The following ZNF705A variants were observed in gnomAD, a reference collection of about 807,000 sequenced individuals.
ZNF705A encodes the protein zinc finger protein 705A.
In ZNF705A, 8 loss-of-function variants were observed where a neutral mutation model predicts 16.6. That is an observed-to-expected ratio of 0.48 (90% CI 0.28 to 0.87). ZNF705A has a LOEUF of 0.87. Ranked by LOEUF, ZNF705A falls within the 40% of genes least tolerant of loss-of-function variation. ZNF705A has a pLI of 0.10. For missense variants in ZNF705A, 233 were observed against 359.9 expected (o/e 0.65, Z 2.85); for synonymous variants, 73 against 117.3 (o/e 0.62, Z 2.44).
intron 1 of ZNF705A, among the ~76,000 whole-genome samples, chr12:8,163,862 A>T (rs1486394916): frequency 1.3e-5 from 2 of 152,168 alleles, no homozygotes; most frequent in African/African-American, 4.8e-5. Context: ...AAACAAGGGA[A>T]CATCTACCCC....
chr12:8,177,071 A>G (rs767147829), exon 5 of ZNF705A: 2 of 1,611,060 alleles, frequency 1.2e-6, no homozygotes, highest in Non-Finnish European at 1.7e-6. Flanking sequence ...CAGTTCCACA[A>G]TAACTCAGCG....
At chr12:8,175,411 A>G (rs1298203997) in intron 3 of ZNF705A, 88 bp downstream of exon 4, 2 of 1,167,908 alleles carry the variant, frequency 1.7e-6, no homozygotes, top group Non-Finnish European at 1.2e-6. Context: ...GTTTTATTAA[A>G]TGAGTGATAA....
At chr12:8,169,998 C>T (rs1473614463), upstream of ZNF705A, among the ~76,000 whole-genome samples, 1 of 152,030 alleles carries the variant, frequency 6.6e-6, no homozygotes, top group African/African-American at 2.4e-5. Context: ...CAGACCAGCC[C>T]TACCAAAATG....
intron 1 of ZNF705A, among the ~76,000 whole-genome samples, chr12:8,165,352 G>A (rs1458291884): frequency 4.3e-5 from 6 of 137,996 alleles, no homozygotes; most frequent in Admixed American, 8.0e-5. Context: ...GCGTGATCTC[G>A]GCTCACTGCA....
intron 1 of ZNF705A, among the ~76,000 whole-genome samples, chr12:8,157,634 G>A (rs1179638074): frequency 6.6e-6 from 1 of 152,186 alleles, no homozygotes; most frequent in East Asian, 1.9e-4. Flanking sequence ...AATTGAAGGA[G>A]TATAGGGAGA....
At chr12:8,160,035 T>C (rs762047588) in intron 1 of ZNF705A, among the ~76,000 whole-genome samples, 2 of 152,308 alleles carry the variant, frequency 1.3e-5, no homozygotes, top group East Asian at 3.9e-4. Flanking sequence ...TTCATTCTCC[T>C]ACATGTGGCT....
intron 1 of ZNF705A, among the ~76,000 whole-genome samples, chr12:8,161,937 G>A (rs1948359232): frequency 6.6e-6 from 1 of 152,194 alleles, no homozygotes; most frequent in Non-Finnish European, 1.5e-5. Flanking sequence ...TCCATTGTGA[G>A]CACACCTCAC....
intron 1 of ZNF705A, among the ~76,000 whole-genome samples, chr12:8,173,442 G>A (rs1948460849): frequency 6.6e-6 from 1 of 152,068 alleles, no homozygotes; most frequent in Non-Finnish European, 1.5e-5. Flanking sequence ...ACAATGAAGA[G>A]GCTTTTTAAA....
At chr12:8,161,229 A>G (rs1374902152) in intron 1 of ZNF705A, among the ~76,000 whole-genome samples, 1 of 152,098 alleles carries the variant, frequency 6.6e-6, no homozygotes. Flanking sequence ...GGATTTTAGC[A>G]TCTATGTTCT....
intron 1 of ZNF705A, among the ~76,000 whole-genome samples, chr12:8,164,364 A>G (rs1276313978): frequency 6.6e-6 from 1 of 152,232 alleles, no homozygotes; most frequent in Non-Finnish European, 1.5e-5. Flanking sequence ...GGCCTATTTC[A>G]TATAACATAA....
At chr12:8,171,336 C>T (rs191459774), upstream of ZNF705A, among the ~76,000 whole-genome samples, 86 of 152,100 alleles carry the variant, frequency 5.7e-4, no homozygotes, top group African/African-American at 2.0e-3. Context: ...GCATGTTTCC[C>T]CCTGTCTCAA....
upstream of ZNF705A, among the ~76,000 whole-genome samples, chr12:8,171,526 A>C (rs1406550214): frequency 6.6e-6 from 1 of 152,224 alleles, no homozygotes; most frequent in Non-Finnish European, 1.5e-5. Flanking sequence ...GTAAAATATC[A>C]GATTGAGCTG....
intron 2 of ZNF705A, among the ~76,000 whole-genome samples, chr12:8,174,920 G>T (rs10840927): frequency 0.53 from 80,994 of 151,710 alleles, 21,745 homozygotes; most frequent in Non-Finnish European, 0.57. Flanking sequence ...ACTGTGCAGA[G>T]ATTTAATTAC....
upstream of ZNF705A, among the ~76,000 whole-genome samples, chr12:8,171,744 A>AT (rs35217701): frequency 4.6e-5 from 7 of 151,052 alleles, no homozygotes; most frequent in African/African-American, 1.2e-4. Flanking sequence ...CCTAAAACAG[A>AT]TTTTTTTTTT....
upstream of ZNF705A, among the ~76,000 whole-genome samples, chr12:8,168,050 G>T (rs2120711984): frequency 6.6e-6 from 1 of 152,366 alleles, no homozygotes; most frequent in South Asian, 2.1e-4. Flanking sequence ...CATGCACGGT[G>T]TGTTTAGGGA....
upstream of ZNF705A, chr12:8,172,534 A>T (rs1948453456): frequency 1.2e-5 from 18 of 1,553,002 alleles, no homozygotes; most frequent in South Asian, 5.5e-5. Flanking sequence ...GCTGTCTCAC[A>T]TGTTCTTTCT....
chr12:8,172,822 A>G (rs1591624843), intron 1 of ZNF705A, among the ~76,000 whole-genome samples, 185 bp downstream of exon 2: 3 of 152,354 alleles, frequency 2.0e-5, no homozygotes, highest in South Asian at 2.1e-4. Context: ...CTGGCCTCCA[A>G]TTAAGTTTTC....
chr12:8,179,730 T>G (rs1948517017), exon 5 of ZNF705A: 1 of 152,252 alleles, frequency 6.6e-6, no homozygotes. Context: ...AGGCAAGGAC[T>G]GTGTCCAGGC....
At chr12:8,179,685 G>A (rs774582418) in exon 5 of ZNF705A, 1 of 152,344 alleles carries the variant, frequency 6.6e-6, no homozygotes, top group East Asian at 1.9e-4. Flanking sequence ...AGGATAATGA[G>A]CAAGAAATTC....
Sources: gnomAD v4.1 joint callset for allele counts (sites outside exome capture counted in the v4.1 genomes callset) on GRCh38, gnomAD v4.1.1 for gene constraint, MANE v1.5 for transcripts, NCBI Gene and HGNC (gene_info 2026-07-23, HGNC 2026-07-21) for gene names.